Variants in BZW2 observed in about 807,000 individuals in gnomAD.
The protein encoded by BZW2 is eIF5-mimic protein 1.
A neutral mutation model predicts 53.2 loss-of-function variants in BZW2; 23 were observed. The ratio of observed to expected loss-of-function variants is 0.43; its 90% CI spans 0.31 to 0.61. The LOEUF is 0.61. BZW2 is among the 20% of genes least tolerant of loss of function. The probability of loss-of-function intolerance (pLI) is 0.09; values close to 1 mark genes in which losing one functional copy is unlikely to be tolerated. For synonymous variants in BZW2, 227 were observed against 186.4 expected (o/e 1.22, Z -1.77); for missense variants, 409 against 503.1 (o/e 0.81, Z 1.79).
intron 6 of BZW2, chr7:16,686,744 A>G (rs1783139280): frequency 6.6e-6 from 1 of 152,242 alleles, no homozygotes; most frequent in African/African-American, 2.4e-5. Flanking sequence ...CCTCCTACAT[A>G]TATGAAGTCC....
At position 16,674,597 on chromosome 7, in the gene BZW2, T is replaced by C. The variant is rs369300617; in HGVS notation, c.235+9T>C. 156 of 1,560,334 alleles carry C rather than the reference T, an allele frequency of 1.0e-4. No individual in the cohort carries two copies. The highest frequency in any genetic ancestry group is 1.5e-4 in the African/African-American group (11 of 73,230). On this transcript the variant is annotated intron_variant, in intron 3 of 11. Coordinates refer to ENST00000258761, the MANE Select transcript of BZW2 (RefSeq NM_014038.3). ...GGCTGGCAGTATGCTTGGTAAACCATGCATTATCGCTTCTTGTAGTATATT... is the reference window on the plus strand; with the variant it reads ...GGCTGGCAGTATGCTTGGTAAACCACGCATTATCGCTTCTTGTAGTATATT...
At chr7:16,669,002 A>G (rs1782518842) in intron 2 of BZW2, among the ~76,000 whole-genome samples, 1 of 152,208 alleles carries the variant, frequency 6.6e-6, no homozygotes, top group South Asian at 2.1e-4. Context: ...TTCTTTCTGT[A>G]CATTTTTAGA....
intron 6 of BZW2, chr7:16,687,540 G>C (rs1333970874): frequency 6.6e-6 from 1 of 151,904 alleles, no homozygotes; most frequent in Non-Finnish European, 1.5e-5. Context: ...AACAAAGCAA[G>C]ACTCTCTTCT....
intron 2 of BZW2, among the ~76,000 whole-genome samples, chr7:16,670,632 G>C (rs1782571095): frequency 6.6e-6 from 1 of 152,176 alleles, no homozygotes; most frequent in South Asian, 2.1e-4. Context: ...TAGACCCTGA[G>C]TGGGAGGTGA....
chr7:16,696,812 G>A (rs921019732), intron 8 of BZW2, 103 bp from the exon 9 acceptor site: 5 of 1,180,128 alleles, frequency 4.2e-6, no homozygotes, highest in Non-Finnish European at 6.2e-6. Context: ...TAAGCAGATT[G>A]TTTCTTAGCT....
In BZW2 at chr7:16,665,479, G is replaced by A; in HGVS notation, c.36G>A (p.Gln12=). 6.2e-7 allele frequency: 1 copy of A among 1,613,964 alleles called. No homozygotes were observed. Among genetic ancestry groups the A allele is most frequent in the Non-Finnish European group, 8.5e-7 (1 of 1,180,014 alleles). Residue 12 remains glutamine (Q), a synonymous_variant, in exon 2 of 12, where the codon CAG becomes CAA. Transcript: ENST00000258761. ...ATCAGAAGCCAGTGCTAACAGGCCA[G>A]CGGTTCAAAACTCGGAAAAGGGGTA... is the stretch of plus-strand genomic sequence containing the variant. ...NKHQKPVLTG[Q]RFKTRKRDEK...
At chr7:16,659,408 A>G (rs1782196156) in intron 1 of BZW2, among the ~76,000 whole-genome samples, 1 of 152,188 alleles carries the variant, frequency 6.6e-6, no homozygotes. Flanking sequence ...CAAATTGTAT[A>G]GTGTTATTAT....
intron 3 of BZW2, 44 bp from the exon 4 acceptor site, chr7:16,681,257 C>A: frequency 6.8e-7 from 1 of 1,468,284 alleles, no homozygotes; most frequent in Non-Finnish European, 9.5e-7. Flanking sequence ...ATGCTGTTCT[C>A]AATTTCAGTA....
chr7:16,695,033 A>C, intron 8 of BZW2, 29 bp downstream of exon 8: 1 of 1,503,324 alleles, frequency 6.7e-7, no homozygotes, highest in Non-Finnish European at 9.0e-7. Flanking sequence ...ACATCACCTC[A>C]ATACACATGA....
At chr7:16,683,973 G>C (rs913380100) in intron 5 of BZW2, among the ~76,000 whole-genome samples, 3 of 152,026 alleles carry the variant, frequency 2.0e-5, no homozygotes, top group Non-Finnish European at 4.4e-5. Context: ...CATGACCCAT[G>C]ACCCAGCCGT....
intron 8 of BZW2, 111 bp from the exon 9 acceptor site, chr7:16,696,804 A>C (rs1042383382): frequency 2.8e-6 from 3 of 1,052,802 alleles, no homozygotes; most frequent in Middle Eastern, 2.1e-4. Context: ...GGAGAAGCTA[A>C]GCAGATTGTT....
intron 7 of BZW2, among the ~76,000 whole-genome samples, chr7:16,692,889 G>T (rs2128366842): frequency 6.6e-6 from 1 of 152,316 alleles, no homozygotes; most frequent in African/African-American, 2.4e-5. Flanking sequence ...AGGGAGGTGT[G>T]GAGTGAACTG....
Position 16,681,412 on chromosome 7 carries a change from CTGTT to C in BZW2, c.339+11_339+14del. Reference sequence around the variant, plus strand: ...ATCCGAAACTATGCTCAGGTAGAGCCTGTTTGAGAGACTGAAGCATTTGAAGAGG... The same window carrying C: ...ATCCGAAACTATGCTCAGGTAGAGCCTGAGAGACTGAAGCATTTGAAGAGG... On this transcript the variant is annotated intron_variant, in intron 4 of 11. Coordinates refer to ENST00000258761, the MANE Select transcript of BZW2 (RefSeq NM_014038.3). The C allele has an allele frequency of 1.9e-6, 3 of 1,608,972 alleles. No homozygotes were observed. The highest frequency in any genetic ancestry group is 1.1e-5 in the South Asian group (1 of 90,778).
At chr7:16,691,249 T>C (rs866459238) in intron 7 of BZW2, among the ~76,000 whole-genome samples, 3 of 152,268 alleles carry the variant, frequency 2.0e-5, no homozygotes, top group Middle Eastern at 6.8e-3. Context: ...GCAGAGCCAG[T>C]AGAGAACAGG....
rs1782936402 is a variant in BZW2 at position 16,681,299 on chromosome 7, A to G, written c.236-2A>G. 6.2e-7 allele frequency: 1 copy of G among 1,611,450 alleles called. No individual in the cohort carries two copies. Among genetic ancestry groups the G allele is most frequent in the African/African-American group, 1.3e-5 (1 of 74,792 alleles). On this transcript the variant is annotated splice_acceptor_variant, in intron 3 of 11. Transcript: ENST00000258761. LOFTEE classifies it high-confidence loss of function. ...TAATTACAATTACCTTTCTCTTTTT[A>G]GCCCCTGGAGGAACGCGCATAGATG... is the stretch of plus-strand genomic sequence containing the variant.
At chr7:16,664,762 A>G (rs1782368957) in intron 1 of BZW2, among the ~76,000 whole-genome samples, 1 of 152,210 alleles carries the variant, frequency 6.6e-6, no homozygotes, top group Admixed American at 6.5e-5. Context: ...TTTTACATAT[A>G]CAAGTATATT....
chr7:16,691,757 A>G (rs1325457791), intron 7 of BZW2, among the ~76,000 whole-genome samples: 1 of 152,206 alleles, frequency 6.6e-6, no homozygotes, highest in Non-Finnish European at 1.5e-5. Flanking sequence ...TTATTTCTTA[A>G]AGCAGTAATT....
intron 1 of BZW2, among the ~76,000 whole-genome samples, chr7:16,659,913 C>A (rs908186392): frequency 2.0e-5 from 3 of 151,394 alleles, no homozygotes; most frequent in African/African-American, 7.3e-5. Context: ...AGGTTTGTTA[C>A]ATATGTATAC....
intron 1 of BZW2, among the ~76,000 whole-genome samples, chr7:16,658,626 C>G (rs1407733592): frequency 1.3e-5 from 2 of 152,034 alleles, no homozygotes; most frequent in African/African-American, 4.8e-5. Context: ...CCTGTAATCC[C>G]AGCACTTTGG....
Sources: allele counts gnomAD v4.1 joint callset (sites outside exome capture counted in the v4.1 genomes callset), GRCh38; gene constraint gnomAD v4.1.1; transcripts MANE v1.5; gene names NCBI Gene and HGNC (gene_info 2026-07-23, HGNC 2026-07-21).